The following SLC12A8 variants were observed in gnomAD, a reference collection of about 807,000 sequenced individuals.
SLC12A8 encodes cation-chloride cotransporter 9.
A neutral mutation model predicts 75.6 loss-of-function variants in SLC12A8; 69 were observed. That is an observed-to-expected ratio of 0.91 (90% confidence interval 0.75 to 1.11). SLC12A8 has a LOEUF of 1.11. Ranked by LOEUF, SLC12A8 falls within the 50% of genes most tolerant of loss-of-function variation. SLC12A8 has a pLI of 0.00. For synonymous variants in SLC12A8, 365 were observed against 372.8 expected (o/e 0.98, Z 0.24); for missense variants, 877 against 896.7 (o/e 0.98, Z 0.28).
At chr3:125,195,330 T>C (rs1316555120) in intron 2 of SLC12A8, among the ~76,000 whole-genome samples, 1 of 152,148 alleles carries the variant, frequency 6.6e-6, no homozygotes, top group African/African-American at 2.4e-5. Flanking sequence ...GTAGTGGGAG[T>C]TCCAGAATGG....
intron 2 of SLC12A8, among the ~76,000 whole-genome samples, chr3:125,204,455 A>C (rs1935188152): frequency 6.6e-6 from 1 of 152,250 alleles, no homozygotes; most frequent in African/African-American, 2.4e-5. Context: ...GGAGGTCATT[A>C]GGTTAAGTGA....
intron 6 of SLC12A8, among the ~76,000 whole-genome samples, chr3:125,133,739 T>C (rs1446026398): frequency 1.3e-5 from 2 of 152,140 alleles, no homozygotes; most frequent in Non-Finnish European, 2.9e-5. Context: ...GCTAACTTTT[T>C]AATCATGTTT....
rs544341822 is a variant in SLC12A8, at chr3:125,176,882, G to A, written c.622+861C>T. On this transcript the variant is annotated intron_variant, in intron 5 of 13. Transcript: ENST00000469902. ...ACACTTTTACACTGTTGGTGGGACT[G>A]TAAACTAGTTCAACCATTGTGGAAG... 5.8e-4 allele frequency among the ~76,000 whole-genome samples: 88 copies of A among 151,422 alleles called. 2 individuals carry two copies. The highest frequency in any genetic ancestry group is 1.9e-3 in the African/African-American group (80 of 41,298).
chr3:125,206,824 A>T (rs1460638928), intron 2 of SLC12A8: 1 of 152,206 alleles, frequency 6.6e-6, no homozygotes, highest in Non-Finnish European at 1.5e-5. Context: ...CAGGAGCAAG[A>T]GGTCCTGGGA....
intron 5 of SLC12A8, among the ~76,000 whole-genome samples, chr3:125,152,290 T>C (rs1302675567): frequency 6.6e-6 from 1 of 152,232 alleles, no homozygotes. Flanking sequence ...AGTCCCTTGA[T>C]TACTTCAGGA....
chr3:125,103,702 C>T (rs1463799962), intron 10 of SLC12A8, among the ~76,000 whole-genome samples: 2 of 151,470 alleles, frequency 1.3e-5, no homozygotes, highest in Non-Finnish European at 1.5e-5. Flanking sequence ...ATGTGATCAC[C>T]ACTCACTGCA....
intron 5 of SLC12A8, among the ~76,000 whole-genome samples, chr3:125,146,001 T>C (rs562045664): frequency 8.1e-4 from 123 of 152,300 alleles, no homozygotes; most frequent in Admixed American, 1.8e-3. Flanking sequence ...GCTAATTTTT[T>C]ATATTTTTTG....
At chr3:125,198,661 A>G (rs1393952619) in intron 2 of SLC12A8, among the ~76,000 whole-genome samples, 3 of 152,164 alleles carry the variant, frequency 2.0e-5, no homozygotes, top group Non-Finnish European at 2.9e-5. Flanking sequence ...AGAAATCACA[A>G]CTAAGGGTCA....
chr3:125,165,793 C>A (rs1934272691), intron 5 of SLC12A8, among the ~76,000 whole-genome samples: 1 of 152,202 alleles, frequency 6.6e-6, no homozygotes, highest in Non-Finnish European at 1.5e-5. Context: ...AGACCCCAGG[C>A]CTGGCCCTCC....
intron 10 of SLC12A8, among the ~76,000 whole-genome samples, chr3:125,100,441 C>T (rs1173117123): frequency 6.6e-6 from 1 of 151,636 alleles, no homozygotes. Context: ...GAGTCTCACT[C>T]TTATTGCCCA....
intron 5 of SLC12A8, among the ~76,000 whole-genome samples, chr3:125,167,766 A>C (rs1934320712): frequency 6.6e-6 from 1 of 152,214 alleles, no homozygotes; most frequent in Admixed American, 6.5e-5. Flanking sequence ...CTAATACGGC[A>C]TGGTGAAGAG....
At chr3:125,196,419 T>A (rs962382604) in intron 2 of SLC12A8, among the ~76,000 whole-genome samples, 2 of 152,234 alleles carry the variant, frequency 1.3e-5, no homozygotes, top group Non-Finnish European at 2.9e-5. Flanking sequence ...ATCTGCTTTC[T>A]GTGAATTATA....
chr3:125,155,288 C>G (rs945388910), intron 5 of SLC12A8, among the ~76,000 whole-genome samples: 20 of 152,116 alleles, frequency 1.3e-4, no homozygotes, highest in Non-Finnish European at 1.5e-5. Context: ...TGACCCAGGA[C>G]TTTTTTCTCA....
chr3:125,204,354 T>C (rs1157184563), intron 2 of SLC12A8, among the ~76,000 whole-genome samples: 3 of 152,014 alleles, frequency 2.0e-5, no homozygotes, highest in Non-Finnish European at 4.4e-5. Flanking sequence ...GATGAATGAA[T>C]AAAGAAAATG....
intron 5 of SLC12A8, among the ~76,000 whole-genome samples, chr3:125,166,189 C>A (rs1299102040): frequency 1.3e-5 from 2 of 152,136 alleles, no homozygotes; most frequent in Admixed American, 6.5e-5. Context: ...ACCTCTCACA[C>A]TAGCCTCGCC....
rs1207711699 is a variant in SLC12A8, at chr3:125,082,663, T to G, written c.*1227A>C. 1 of 152,222 alleles carries G rather than the reference T, an allele frequency of 6.6e-6. No homozygotes were observed. Among genetic ancestry groups the G allele is most frequent in the African/African-American group, 2.4e-5 (1 of 41,450 alleles). 9.4% of individuals were successfully genotyped at this position (152,222 alleles called of 1,614,324 possible). ...AGGCAATTCATGTTAATTCTTTAATTAAAAAGACCCTCACTAAACAATAAT... is the reference window on the plus strand; with the variant it reads ...AGGCAATTCATGTTAATTCTTTAATGAAAAAGACCCTCACTAAACAATAAT... On this transcript the variant is annotated 3_prime_UTR_variant, in exon 14 of 14. Coordinates refer to ENST00000469902, the MANE Select transcript of SLC12A8 (RefSeq NM_024628.6).
intron 10 of SLC12A8, among the ~76,000 whole-genome samples, chr3:125,103,526 G>A (rs552964751): frequency 1.2e-4 from 18 of 150,898 alleles, no homozygotes; most frequent in South Asian, 8.4e-4. Context: ...GTACAGTGGC[G>A]TGATGATGGC....
At chr3:125,106,794 G>A (rs1316060062) in intron 10 of SLC12A8, among the ~76,000 whole-genome samples, 1 of 152,182 alleles carries the variant, frequency 6.6e-6, no homozygotes, top group African/African-American at 2.4e-5. Flanking sequence ...GCAGGGTGAT[G>A]TCCAGCTGTG....
chr3:125,100,713 C>T (rs569773417), intron 10 of SLC12A8, among the ~76,000 whole-genome samples: 28 of 149,542 alleles, frequency 1.9e-4, no homozygotes, highest in African/African-American at 6.3e-4. Flanking sequence ...CAGCTTAATG[C>T]TATCTTAAAG....
Sources: gnomAD v4.1 joint callset for allele counts (sites outside exome capture counted in the v4.1 genomes callset) on GRCh38, gnomAD v4.1.1 for gene constraint, MANE v1.5 for transcripts, NCBI Gene and HGNC (gene_info 2026-07-23, HGNC 2026-07-21) for gene names.